The following GAL variants were observed in gnomAD, a reference collection of about 807,000 sequenced individuals.
GAL encodes the protein galanin peptides.
A neutral mutation model predicts 15.8 loss-of-function variants in GAL; 14 were observed. The observed-to-expected ratio is 0.89, with a 90% CI of 0.59 to 1.39. The LOEUF (loss-of-function observed/expected upper bound fraction) is 1.39. Ranked by LOEUF, GAL falls within the 40% of genes most tolerant of loss-of-function variation. The pLI, the probability that GAL is intolerant of heterozygous loss-of-function variation, is 0.00. For missense variants in GAL, 176 were observed against 170.4 expected (o/e 1.03, Z -0.18); for synonymous variants, 79 against 73.8 (o/e 1.07, Z -0.36).
At position 68,688,103 on chromosome 11, in the gene GAL, G is replaced by C. The variant is rs202155593; in HGVS notation, c.223+3G>C. On this transcript the variant is annotated splice_donor_region_variant and intron_variant, in intron 4 of 5. Transcript: ENST00000265643. ...GCCCGAAGATGACATGAAACCAGGT[G>C]AGAGGACTCCTATCCCGGGCCCCGG... The C allele has an allele frequency of 1.3e-6, 2 of 1,593,988 alleles. No homozygotes were observed. The highest frequency in any genetic ancestry group is 3.3e-5 in the Admixed American group (2 of 60,002).
At chr11:68,689,175 G>A (rs1945882855) in intron 5 of GAL, among the ~76,000 whole-genome samples, 1 of 152,028 alleles carries the variant, frequency 6.6e-6, no homozygotes, top group Non-Finnish European at 1.5e-5. Flanking sequence ...GTCCCAGGAA[G>A]AGAGTGGGCC....
intron 5 of GAL, among the ~76,000 whole-genome samples, chr11:68,690,061 G>A (rs1945890861): frequency 1.3e-5 from 2 of 151,936 alleles, no homozygotes; most frequent in African/African-American, 4.8e-5. Context: ...TGCTCTGAGA[G>A]TTAAGGGGGA....
At chr11:68,689,878 G>A (rs1945889168) in intron 5 of GAL, among the ~76,000 whole-genome samples, 1 of 152,214 alleles carries the variant, frequency 6.6e-6, no homozygotes, top group Non-Finnish European at 1.5e-5. Context: ...CACTACGCTT[G>A]GCATTCATTC....
chr11:68,691,153 G>A lies in GAL; in HGVS notation c.*166G>A. On this transcript the variant is annotated 3_prime_UTR_variant, in exon 6 of 6. Transcript: ENST00000265643. The stretch of plus-strand genomic sequence containing the variant: ...TTTTTTTTTGGTAATTATTTTGAGT[G>A]GCAAAATAAAGAATAGCAATTACTT... The A allele has an allele frequency of 1.7e-6, 1 of 574,750 alleles. No individual in the cohort carries two copies. Among genetic ancestry groups the A allele is most frequent in the Non-Finnish European group, 3.1e-6 (1 of 321,280 alleles). The allele number at this position is 574,750 out of a possible 1,614,324, so 35.6% of individuals were successfully genotyped here.
chr11:68,684,974 C>G lies in GAL; in HGVS notation c.51C>G (p.Ala17=), dbSNP rs1436949482. The part of the protein sequence containing the change: ...LLLASLLLAA[A]LSASAGLWSP... ...TCGCCTCCCTCCTCCTCGCCGCGGCCCTTTCTGCCTCTGCGGGGCTCTGGT... is the reference window on the plus strand; with the variant it reads ...TCGCCTCCCTCCTCCTCGCCGCGGCGCTTTCTGCCTCTGCGGGGCTCTGGT... Residue 17 remains alanine, a synonymous_variant, in exon 2 of 6, where the codon GCC becomes GCG. Coordinates refer to ENST00000265643, the MANE Select transcript of GAL (RefSeq NM_015973.5). The G allele has an allele frequency of 6.2e-7, 1 of 1,608,046 alleles. No individual in the cohort carries two copies. The highest frequency in any genetic ancestry group is 8.5e-7 in the Non-Finnish European group (1 of 1,177,518).
intron 4 of GAL, 132 bp from the exon 5 acceptor site, chr11:68,688,717 C>T: frequency 1.6e-6 from 1 of 636,572 alleles, no homozygotes; most frequent in Non-Finnish European, 2.9e-6. Flanking sequence ...TTGGAAAGCA[C>T]AGCAGGGCCT....
In GAL at chr11:68,690,923, G is replaced by T. The variant is rs1261745200; in HGVS notation, c.308G>T (p.Gly103Val). ...FLSFLHLKEA[G>V]ALDRLLDLPA... ...GTGGCTCTTCCCTTTGCAGAGGCCG[G>T]TGCCCTCGACCGCCTCCTGGATCTC... Residue 103 changes from glycine to valine, a missense_variant, in exon 6 of 6, where the codon GGT becomes GTT. By Grantham distance (109) the Gly-to-Val change is moderately radical. Transcript: ENST00000265643. 1.2e-6 allele frequency: 2 copies of T among 1,611,636 alleles called. No individual in the cohort carries two copies. The highest frequency in any genetic ancestry group is 1.3e-5 in the African/African-American group (1 of 74,968).
intron 5 of GAL, among the ~76,000 whole-genome samples, chr11:68,689,962 C>T (rs1384972123): frequency 6.6e-6 from 1 of 152,226 alleles, no homozygotes; most frequent in African/African-American, 2.4e-5. Context: ...CGGAAAGCGG[C>T]CCCGGTGCTC....
At chr11:68,689,323 C>A (rs774608413) in intron 5 of GAL, among the ~76,000 whole-genome samples, 2 of 152,034 alleles carry the variant, frequency 1.3e-5, no homozygotes, top group Non-Finnish European at 2.9e-5. Flanking sequence ...TTTTCTCTGT[C>A]TTTTCTTTCT....
At chr11:68,686,878 G>C (rs1000062391) in intron 3 of GAL, among the ~76,000 whole-genome samples, 2 of 152,130 alleles carry the variant, frequency 1.3e-5, no homozygotes, top group Admixed American at 1.3e-4. Flanking sequence ...TGTTGCTTTG[G>C]AATATTGAAA....
chr11:68,688,004 C>G lies in GAL; in HGVS notation c.137-10C>G, dbSNP rs1285974386. On this transcript the variant is annotated splice_polypyrimidine_tract_variant and intron_variant, in intron 3 of 5. Transcript: ENST00000265643. ...ACACCCAGAGGCTTTCCTCTCTGAT[C>G]TGCAAACAGATGCCGTTGGCAACCA... 2.5e-6 allele frequency: 4 copies of G among 1,592,972 alleles called. No homozygotes were observed. The highest frequency in any genetic ancestry group is 2.7e-5 in the African/African-American group (2 of 74,512).
Position 68,688,034 on chromosome 11 carries a change from T to C in GAL, c.157T>C (p.Ser53Pro). 6.2e-7 allele frequency: 1 copy of C among 1,612,090 alleles called. No homozygotes were observed. Among genetic ancestry groups the C allele is most frequent in the Non-Finnish European group, 8.5e-7 (1 of 1,178,414 alleles). Residue 53 changes from serine to proline, a missense_variant, in exon 4 of 6, where the codon TCA (serine) becomes CCA (proline). Transcript: ENST00000265643. ...LGPHAVGNHRSFSDKNGLTSK... is the reference protein window; with the variant it reads ...LGPHAVGNHRPFSDKNGLTSK... ...AACAGATGCCGTTGGCAACCACAGG[T>C]CATTCAGCGACAAGAATGGCCTCAC... is the stretch of plus-strand genomic sequence containing the variant.
chr11:68,688,124 CCCGGGGCA>C, intron 4 of GAL, 24 bp downstream of exon 4: 1 of 1,449,694 alleles, frequency 6.9e-7, no homozygotes, highest in Non-Finnish European at 9.7e-7. Flanking sequence ...TATCCCGGGC[CCCGGGGCA>C]CCTCACTTCC....
At chr11:68,687,455 C>T (rs1395882608) in intron 3 of GAL, among the ~76,000 whole-genome samples, 21 of 152,162 alleles carry the variant, frequency 1.4e-4, no homozygotes, top group East Asian at 1.9e-4. Context: ...GCTCCTGCAC[C>T]CCCCACCCCC....
At chr11:68,687,495 C>T (rs1945864619) in intron 3 of GAL, among the ~76,000 whole-genome samples, 1 of 152,124 alleles carries the variant, frequency 6.6e-6, no homozygotes, top group Non-Finnish European at 1.5e-5. Context: ...CCCTCTCGCT[C>T]CCTCTGTCTC....
chr11:68,684,792 T>C, intron 1 of GAL, 60 bp downstream of exon 1: 1 of 552,302 alleles, frequency 1.8e-6, no homozygotes, highest in East Asian at 3.2e-5. Flanking sequence ...GGCTTTCCTC[T>C]GCCCAGGGAC....
chr11:68,687,995 C>T lies in GAL; in HGVS notation c.137-19C>T. 1 of 1,557,312 alleles carries T rather than the reference C, an allele frequency of 6.4e-7. No individual in the cohort carries two copies. The highest frequency in any genetic ancestry group is 1.4e-5 in the African/African-American group (1 of 73,928). On this transcript the variant is annotated intron_variant, in intron 3 of 5. Coordinates refer to ENST00000265643, the MANE Select transcript of GAL (RefSeq NM_015973.5). Reference sequence around the variant, plus strand: ...ATGACAGTCACACCCAGAGGCTTTCCTCTCTGATCTGCAAACAGATGCCGT... The same window carrying T: ...ATGACAGTCACACCCAGAGGCTTTCTTCTCTGATCTGCAAACAGATGCCGT...
At position 68,688,043 on chromosome 11, in the gene GAL, G is replaced by T; in HGVS notation, c.166G>T (p.Asp56Tyr). 1 of 1,612,940 alleles carries T rather than the reference G, an allele frequency of 6.2e-7. No homozygotes were observed. The highest frequency in any genetic ancestry group is 8.5e-7 in the Non-Finnish European group (1 of 1,179,092). ...HAVGNHRSFS[D>Y]KNGLTSKREL... ...CGTTGGCAACCACAGGTCATTCAGC[G>T]ACAAGAATGGCCTCACCAGCAAGCG... Residue 56 changes from aspartate to tyrosine, a missense_variant, in exon 4 of 6, where the codon GAC becomes TAC. Physicochemically the swap from Asp to Tyr is radical, Grantham distance 160. Coordinates refer to ENST00000265643, the MANE Select transcript of GAL (RefSeq NM_015973.5).
At position 68,684,685 on chromosome 11, in the gene GAL, C is replaced by T. The variant is rs575958135; in HGVS notation, c.-48C>T. 12 of 395,414 alleles carry T rather than the reference C, an allele frequency of 3.0e-5. No homozygotes were observed. The highest frequency in any genetic ancestry group is 2.3e-4 in the African/African-American group (11 of 47,874). The allele number at this position is 395,414 out of a possible 1,614,324, so 24.5% of individuals were successfully genotyped here. On this transcript the variant is annotated 5_prime_UTR_variant, in exon 1 of 6. Coordinates refer to ENST00000265643, the MANE Select transcript of GAL (RefSeq NM_015973.5). ...CGGACCTGCCGCCCAGACCCGCCAC[C>T]GCACCCGGACCCCGACGCTCCGAAC...
Sources: allele counts gnomAD v4.1 joint callset (sites outside exome capture counted in the v4.1 genomes callset), GRCh38; gene constraint gnomAD v4.1.1; transcripts MANE v1.5; gene names NCBI Gene and HGNC (gene_info 2026-07-23, HGNC 2026-07-21).